The following ALPK3 variants were observed in gnomAD, a reference collection of about 807,000 sequenced individuals.
The protein encoded by ALPK3 is alpha kinase 3, also known as alpha-protein kinase 3.
ALPK3 carries 102 observed loss-of-function variants against 140.0 expected under a neutral mutation model. That is an observed-to-expected ratio of 0.73 (90% confidence interval 0.62 to 0.86). ALPK3 has a LOEUF of 0.86. Ranked by LOEUF, ALPK3 falls within the 40% of genes least tolerant of loss-of-function variation. The pLI, the probability that ALPK3 is intolerant of heterozygous loss-of-function variation, is 0.00. For missense variants in ALPK3, 2,254 were observed against 2,208.2 expected, an observed-to-expected ratio of 1.02 and a Z score of -0.42; for synonymous variants, 938 against 898.5, an observed-to-expected ratio of 1.04 and a Z score of -0.79.
rs749836697 is a variant in ALPK3, at chr15:84,839,955, C to A, written c.676C>A (p.Arg226=). ...LSPDRFQRKR[R]LSGAQAPGPS... is the part of the protein sequence containing the mutation. ...CCCCGACCGCTTCCAGCGAAAGCGG[C>A]GATTGAGCGGGGCTCAAGCGCCGGG... Residue 226 remains arginine (R), a synonymous_variant, in exon 5 of 14, where the codon CGA becomes AGA. Coordinates refer to ENST00000258888, the MANE Select transcript of ALPK3 (RefSeq NM_020778.5). 6.2e-7 allele frequency: 1 copy of A among 1,613,386 alleles called. No homozygotes were observed.
At position 84,862,827 on chromosome 15, in the gene ALPK3, C is replaced by A. The variant is rs141398841; in HGVS notation, c.4322C>A (p.Thr1441Lys). The A allele has an allele frequency of 1.1e-5, 18 of 1,614,142 alleles. No homozygotes were observed. In the African/African-American group the frequency reaches 2.3e-4, roughly 20 times the overall value. Residue 1441 changes from threonine (T) to lysine (K), a missense_variant, in exon 10 of 14, where the codon ACG (threonine) becomes AAG (lysine). By Grantham distance (78) the Thr-to-Lys change is moderately conservative (BLOSUM62 -1). Transcript: ENST00000258888. ...GLEPIFESGR[T>K]CIIKVSSLLV... The stretch of plus-strand genomic sequence containing the variant: ...GAACCCATCTTCGAGTCGGGCCGCA[C>A]GTGCATCATCAAGGTGTCCAGCCTG...
intron 5 of ALPK3, 63 bp downstream of exon 5, chr15:84,840,995 C>G (rs1284365066): frequency 2.7e-6 from 4 of 1,485,724 alleles, no homozygotes; most frequent in African/African-American, 1.4e-5. Flanking sequence ...GAAACTCTTG[C>G]TGCAACTGCT....
chr15:84,868,095 T>G lies in ALPK3; in HGVS notation c.4773-16T>G, dbSNP rs780375904. 2 of 1,601,758 alleles carry G rather than the reference T, an allele frequency of 1.2e-6. No homozygotes were observed. The highest frequency in any genetic ancestry group is 1.7e-6 in the Non-Finnish European group (2 of 1,172,198). ...CTGGTTGGGACCCCCACTCAGCTCT[T>G]CCTGTCTGGCTGCAGATACCAGGGC... On this transcript the variant is annotated splice_polypyrimidine_tract_variant and intron_variant, in intron 13 of 13. Coordinates refer to ENST00000258888, the MANE Select transcript of ALPK3 (RefSeq NM_020778.5).
At position 84,869,962 on chromosome 15, in the gene ALPK3, G is replaced by A. The variant is rs1024608390; in HGVS notation, c.*1506G>A. On this transcript the variant is annotated 3_prime_UTR_variant, in exon 14 of 14. Transcript: ENST00000258888. Reference sequence around the variant, plus strand: ...AGCTGCTGGTGTGTACCCCTTAGCAGGGTGTCTGGGGACTTACGCCTTTGG... The same window carrying A: ...AGCTGCTGGTGTGTACCCCTTAGCAAGGTGTCTGGGGACTTACGCCTTTGG... 2.6e-5 allele frequency: 4 copies of A among 152,216 alleles called. No homozygotes were observed. The highest frequency in any genetic ancestry group is 9.7e-5 in the African/African-American group (4 of 41,432). The allele number at this position is 152,216 out of a possible 1,614,324, so 9.4% of individuals were successfully genotyped here.
intron 3 of ALPK3, among the ~76,000 whole-genome samples, chr15:84,835,991 A>G (rs1039916719): frequency 6.6e-6 from 1 of 152,264 alleles, no homozygotes; most frequent in African/African-American, 2.4e-5. Flanking sequence ...GTAAACCAAC[A>G]CACTCCTAAG....
rs1471474243 is a variant in ALPK3 at position 84,839,967 on chromosome 15, G to A, written c.688G>A (p.Ala230Thr). The A allele has an allele frequency of 3.7e-6, 6 of 1,612,994 alleles. No individual in the cohort carries two copies. Among genetic ancestry groups the A allele is most frequent in the Non-Finnish European group, 5.1e-6 (6 of 1,179,480 alleles). The change falls in exon 5 of 14, where the codon GCT becomes ACT. Residue 230 changes from alanine (A) to threonine (T), a missense_variant. Around this residue, in one of 3 missense-constraint regions of ALPK3, gnomAD observed 2,088 missense variants for 2,022.9 expected, o/e 1.03. Transcript: ENST00000258888. ...RFQRKRRLSG[A>T]QAPGPSVPTR... ...CCAGCGAAAGCGGCGATTGAGCGGG[G>A]CTCAAGCGCCGGGCCCCTCGGTCCC...
rs1220418124 is a variant in ALPK3, at chr15:84,817,584, G to GC, written c.135dup (p.Glu46ArgfsTer35). On this transcript the variant is annotated frameshift_variant, in exon 1 of 14. Transcript: ENST00000258888. LOFTEE classifies it high-confidence loss of function. ...GCCGGAGCTACCTGCTCAGCGTGCG[G>GC]CCCGAGACCAGGTAAGTGGCACCAA... The GC allele has an allele frequency of 1.3e-6, 2 of 1,500,680 alleles. No individual in the cohort carries two copies. Among genetic ancestry groups the GC allele is most frequent in the Non-Finnish European group, 1.8e-6 (2 of 1,130,422 alleles). The allele number at this position is 1,500,680 out of a possible 1,614,324, so 93.0% of individuals were successfully genotyped here. A position where few individuals can be genotyped will look rare whatever the true frequency, so the allele number is the denominator to read the frequency against.
intron 9 of ALPK3, among the ~76,000 whole-genome samples, chr15:84,861,214 G>A (rs1963942270): frequency 6.6e-6 from 1 of 152,140 alleles, no homozygotes; most frequent in South Asian, 2.1e-4. Flanking sequence ...TACTTTATTT[G>A]TTTTCTTCCT....
chr15:84,833,001 G>A (rs1292249817), intron 3 of ALPK3, among the ~76,000 whole-genome samples: 2 of 152,196 alleles, frequency 1.3e-5, no homozygotes, highest in African/African-American at 4.8e-5. Flanking sequence ...GTGTCATCAA[G>A]GAAGTAAGCT....
rs1441430640 is a variant in ALPK3, at chr15:84,868,537, T to C, written c.*81T>C. The C allele has an allele frequency of 1.5e-6, 2 of 1,306,296 alleles. No individual in the cohort carries two copies. The highest frequency in any genetic ancestry group is 2.6e-5 in the Admixed American group (1 of 38,018). The allele number at this position is 1,306,296 out of a possible 1,614,324, so 80.9% of individuals were successfully genotyped here. A position where few individuals can be genotyped will look rare whatever the true frequency, so the allele number is the denominator to read the frequency against. On this transcript the variant is annotated 3_prime_UTR_variant, in exon 14 of 14. Transcript: ENST00000258888. ...GAACTGGATGGAGACTTTCCAAATATGGAACTAACTGGAGAAGGTGCACGA... is the reference window on the plus strand; with the variant it reads ...GAACTGGATGGAGACTTTCCAAATACGGAACTAACTGGAGAAGGTGCACGA...
In ALPK3 at chr15:84,840,237, G is replaced by T. The variant is rs1963644839; in HGVS notation, c.958G>T (p.Asp320Tyr). 2 of 1,613,790 alleles carry T rather than the reference G, an allele frequency of 1.2e-6. No individual in the cohort carries two copies. The change falls in exon 5 of 14, where the codon GAT becomes TAT. Residue 320 changes from aspartate (D) to tyrosine (Y), a missense_variant. By Grantham distance (160) the Asp-to-Tyr change is radical. This residue lies in a region of ALPK3 where 2,088 missense variants were observed against 2,022.9 expected (regional missense o/e 1.03). Coordinates refer to ENST00000258888, the MANE Select transcript of ALPK3 (RefSeq NM_020778.5). ...GAGTGGGGCCAAGAAGAAAAAGAAA[G>T]ATGAGGAATCCAAGCAAGGCCTGCG... is the stretch of plus-strand genomic sequence containing the variant. ...EESGAKKKKK[D>Y]EESKQGLRKP... is the part of the protein sequence containing the mutation.
In ALPK3 at chr15:84,857,741, G is replaced by A; in HGVS notation, c.3003G>A (p.Val1001=). ...LVPSATLTPT[V]EVAGLSPRTS... ...CCTCAGCCACTCTGACACCCACTGT[G>A]GAAGTGGCTGGGCTTAGTCCCCGGA... is the stretch of plus-strand genomic sequence containing the variant. Residue 1001 remains valine, a synonymous_variant, in exon 6 of 14, where the codon GTG becomes GTA. Transcript: ENST00000258888. 6.2e-7 allele frequency: 1 copy of A among 1,613,418 alleles called. No homozygotes were observed. The highest frequency in any genetic ancestry group is 8.5e-7 in the Non-Finnish European group (1 of 1,179,594).
intron 9 of ALPK3, among the ~76,000 whole-genome samples, chr15:84,862,320 C>CTTT (rs910731826): frequency 2.0e-5 from 3 of 151,994 alleles, no homozygotes; most frequent in African/African-American, 7.2e-5. Flanking sequence ...CCACAGAAAA[C>CTTT]CCCTGCCTTC....
At chr15:84,838,313 G>A (rs1963617708) in intron 3 of ALPK3, among the ~76,000 whole-genome samples, 2 of 152,176 alleles carry the variant, frequency 1.3e-5, no homozygotes, top group African/African-American at 2.4e-5. Flanking sequence ...CCTTACTGCA[G>A]TTGAGGAAGT....
chr15:84,838,659 G>A (rs1279939812), intron 3 of ALPK3, among the ~76,000 whole-genome samples: 3 of 148,330 alleles, frequency 2.0e-5, no homozygotes, highest in Non-Finnish European at 3.0e-5. Context: ...TCTCACTATC[G>A]CCTAGGCTAG....
intron 1 of ALPK3, 51 bp from the exon 2 acceptor site, chr15:84,823,279 C>T (rs1963447909): frequency 6.8e-6 from 11 of 1,608,758 alleles, no homozygotes; most frequent in Non-Finnish European, 9.4e-6. Context: ...ATTTCGCCTA[C>T]TTCCTTCTTG....
chr15:84,853,141 C>T (rs1441883268), intron 5 of ALPK3, among the ~76,000 whole-genome samples: 2 of 152,238 alleles, frequency 1.3e-5, no homozygotes, highest in African/African-American at 2.4e-5. Flanking sequence ...TATGCACAGT[C>T]TGCACCTTCT....
chr15:84,856,295 A>C, intron 5 of ALPK3, 97 bp from the exon 6 acceptor site: 4 of 1,483,974 alleles, frequency 2.7e-6, no homozygotes, highest in Non-Finnish European at 3.6e-6. Flanking sequence ...CCATCAGAGC[A>C]GTTGTAGATG....
rs757561636 is a variant in ALPK3, at chr15:84,867,298, C to G, written c.4724-19C>G. ...GCCAGCCCAGACTGGCATCAACTCC[C>G]AACTTTCTCTCTTTTCAGGGGTTGA... On this transcript the variant is annotated intron_variant, in intron 12 of 13. Coordinates refer to ENST00000258888, the MANE Select transcript of ALPK3 (RefSeq NM_020778.5). 1.4e-5 allele frequency: 23 copies of G among 1,613,542 alleles called. No homozygotes were observed. The highest frequency in any genetic ancestry group is 2.2e-5 in the South Asian group (2 of 91,068).
Sources: gnomAD v4.1 joint callset for allele counts (sites outside exome capture counted in the v4.1 genomes callset) on GRCh38, gnomAD v4.1.1 for gene constraint, gnomAD v4.1.1 regional missense constraint, MANE v1.5 for transcripts, NCBI Gene and HGNC (gene_info 2026-07-23, HGNC 2026-07-21) for gene names.